The following GPC5 variants were observed in gnomAD, a reference collection of about 807,000 sequenced individuals.
GPC5 encodes glypican 5.
A neutral mutation model predicts 53.9 loss-of-function variants in GPC5; 47 were observed. The observed-to-expected ratio is 0.87, with a 90% confidence interval of 0.69 to 1.11. The LOEUF (loss-of-function observed/expected upper bound fraction) is 1.11, where lower values mean the gene tolerates loss of function less well. Among genes scored for constraint, GPC5 ranks in the 50% most tolerant of loss-of-function variants. The pLI is 0.00. For missense variants in GPC5, 748 were observed against 713.1 expected, an observed-to-expected ratio of 1.05 and a Z score of -0.56; for synonymous variants, 286 against 263.3, an observed-to-expected ratio of 1.09 and a Z score of -0.84.
intron 2 of GPC5, among the ~76,000 whole-genome samples, chr13:91,578,597 C>G (rs2032226929): frequency 6.6e-6 from 1 of 151,740 alleles, no homozygotes; most frequent in East Asian, 1.9e-4. Context: ...TCTATAATCG[C>G]CTTTCATTTT....
At chr13:92,037,780 G>T (rs2040905481) in intron 6 of GPC5, among the ~76,000 whole-genome samples, 1 of 152,080 alleles carries the variant, frequency 6.6e-6, no homozygotes, top group Admixed American at 6.5e-5. Context: ...AATTTATCCT[G>T]CCATAGTGGA....
chr13:92,336,001 T>C (rs1281968113), intron 7 of GPC5, among the ~76,000 whole-genome samples: 2 of 152,202 alleles, frequency 1.3e-5, no homozygotes, highest in Non-Finnish European at 2.9e-5. Context: ...TGTTACTCTG[T>C]TGCAATGTAG....
intron 1 of GPC5, among the ~76,000 whole-genome samples, chr13:91,448,450 A>T (rs959812603): frequency 1.3e-5 from 2 of 152,230 alleles, no homozygotes; most frequent in African/African-American, 2.4e-5. Flanking sequence ...TAAGCAAAAA[A>T]CCCACAAAAA....
chr13:91,753,242 C>G (rs1294608917), intron 4 of GPC5, among the ~76,000 whole-genome samples: 1 of 152,034 alleles, frequency 6.6e-6, no homozygotes. Context: ...GTGATGTGTG[C>G]CTTGGAAAGA....
chr13:92,728,058 T>C (rs1343403098), intron 7 of GPC5, among the ~76,000 whole-genome samples: 1 of 151,550 alleles, frequency 6.6e-6, no homozygotes, highest in Non-Finnish European at 1.5e-5. Context: ...GTTTTAAAAA[T>C]GTAGAACTAC....
At chr13:92,719,031 A>G (rs959877936) in intron 7 of GPC5, among the ~76,000 whole-genome samples, 1 of 152,078 alleles carries the variant, frequency 6.6e-6, no homozygotes, top group Admixed American at 6.6e-5. Flanking sequence ...TCAAAATATC[A>G]CATGTACCCC....
At chr13:91,498,998 C>T (rs1441161671) in intron 2 of GPC5, among the ~76,000 whole-genome samples, 1 of 151,720 alleles carries the variant, frequency 6.6e-6, no homozygotes, top group East Asian at 1.9e-4. Context: ...AGGAAAGCTG[C>T]TGCAGTCATT....
intron 7 of GPC5, among the ~76,000 whole-genome samples, chr13:92,317,438 C>T (rs993584515): frequency 6.6e-6 from 1 of 151,940 alleles, no homozygotes; most frequent in Non-Finnish European, 1.5e-5. Flanking sequence ...ATGTGATTTA[C>T]CCTTCATGTG....
intron 7 of GPC5, among the ~76,000 whole-genome samples, chr13:92,599,049 G>A (rs1883964977): frequency 6.6e-6 from 1 of 152,066 alleles, no homozygotes; most frequent in African/African-American, 2.4e-5. Context: ...CATCATCCAA[G>A]AGATTTTCTT....
chr13:91,504,549 G>A (rs1162626003), intron 2 of GPC5, among the ~76,000 whole-genome samples: 3 of 152,018 alleles, frequency 2.0e-5, no homozygotes, highest in Non-Finnish European at 4.4e-5. Flanking sequence ...CAACTACTTC[G>A]AAAATAAAAG....
At chr13:91,988,117 A>G (rs1441764200) in intron 6 of GPC5, among the ~76,000 whole-genome samples, 1 of 150,852 alleles carries the variant, frequency 6.6e-6, no homozygotes, top group African/African-American at 2.4e-5. Context: ...GCTTTTAGAT[A>G]CATATTTTTA....
chr13:92,097,384 T>A (rs1234265113), intron 6 of GPC5, among the ~76,000 whole-genome samples: 9 of 152,188 alleles, frequency 5.9e-5, no homozygotes, highest in Admixed American at 5.9e-4. Flanking sequence ...TCATCTATAT[T>A]GCAAAAGACA....
intron 5 of GPC5, among the ~76,000 whole-genome samples, chr13:91,845,666 T>C (rs1999231): frequency 0.33 from 50,032 of 152,046 alleles, 9,730 homozygotes; most frequent in East Asian, 0.64. Flanking sequence ...TGCAAGAGTT[T>C]GTGGAGAAAA....
chr13:92,821,725 A>T (rs1464655093), intron 7 of GPC5, among the ~76,000 whole-genome samples: 2 of 152,168 alleles, frequency 1.3e-5, no homozygotes, highest in Non-Finnish European at 2.9e-5. Context: ...GAAATAGCCA[A>T]ATGTTATTTC....
intron 6 of GPC5, among the ~76,000 whole-genome samples, chr13:92,136,918 T>C (rs2041788621): frequency 6.6e-6 from 1 of 152,216 alleles, no homozygotes; most frequent in African/African-American, 2.4e-5. Flanking sequence ...ACCAGACTCA[T>C]CTCCAAGATA....
At chr13:92,383,096 C>T (rs9523654) in intron 7 of GPC5, among the ~76,000 whole-genome samples, 65,267 of 151,332 alleles carry the variant, frequency 0.43, 15,147 homozygotes, top group East Asian at 0.54. Flanking sequence ...GTTCATTGGC[C>T]ATAAAAAGGA....
At chr13:91,422,018 C>T (rs868825723) in intron 1 of GPC5, among the ~76,000 whole-genome samples, 3 of 152,172 alleles carry the variant, frequency 2.0e-5, no homozygotes, top group African/African-American at 4.8e-5. Context: ...AGCCTTGAAA[C>T]GTCCAGCACC....
At chr13:92,708,169 A>AAGAT (rs1356620568) in intron 7 of GPC5, among the ~76,000 whole-genome samples, 2 of 152,150 alleles carry the variant, frequency 1.3e-5, no homozygotes, top group African/African-American at 4.8e-5. Flanking sequence ...TTCAAATCCA[A>AAGAT]AGATATAAGA....
At chr13:91,986,770 C>T (rs2040411933) in intron 6 of GPC5, among the ~76,000 whole-genome samples, 1 of 152,132 alleles carries the variant, frequency 6.6e-6, no homozygotes, top group Non-Finnish European at 1.5e-5. Flanking sequence ...TTTTTATATT[C>T]TCTATGAAAA....
Sources: gnomAD v4.1 joint callset for allele counts (sites outside exome capture counted in the v4.1 genomes callset) on GRCh38, gnomAD v4.1.1 for gene constraint, MANE v1.5 for transcripts, NCBI Gene and HGNC (gene_info 2026-07-23, HGNC 2026-07-21) for gene names.